Variants in SH3BP4 observed in about 807,000 individuals in gnomAD.
SH3BP4 encodes SH3 domain-binding protein 4.
Under a neutral mutation model 65.5 loss-of-function variants are expected in SH3BP4, and 33 were observed. That is an observed-to-expected ratio of 0.50 (90% CI 0.38 to 0.67). The LOEUF (loss-of-function observed/expected upper bound fraction) is 0.67. Among genes scored for constraint, SH3BP4 ranks in the 30% least tolerant of loss-of-function variants. SH3BP4 has a pLI of 0.00. For missense variants in SH3BP4, 1,134 were observed against 1,261.4 expected (o/e 0.90, Z 1.53); for synonymous variants, 552 against 545.5 (o/e 1.01, Z -0.17).
intron 1 of SH3BP4, among the ~76,000 whole-genome samples, chr2:234,982,233 C>T (rs1236495668): frequency 6.6e-6 from 1 of 152,200 alleles, no homozygotes; most frequent in Non-Finnish European, 1.5e-5. Flanking sequence ...GGGCCTCTCC[C>T]AGCTGAGCGG....
intron 1 of SH3BP4, among the ~76,000 whole-genome samples, chr2:234,954,613 C>T (rs181540932): frequency 2.0e-5 from 3 of 152,260 alleles, no homozygotes; most frequent in East Asian, 1.9e-4. Context: ...TTTGCTAATC[C>T]GGCAGCCTGG....
Position 234,967,325 on chromosome 2 carries a change from A to T in SH3BP4, c.-207+15155A>T, listed in dbSNP as rs1458182021. 6.6e-6 allele frequency among the ~76,000 whole-genome samples: 1 copy of T among 152,080 alleles called. No individual in the cohort carries two copies. Among genetic ancestry groups the T allele is most frequent in the Non-Finnish European group, 1.5e-5 (1 of 68,004 alleles). On this transcript the variant is annotated intron_variant, in intron 1 of 5. Transcript: ENST00000392011. This position sits in a 1 kb window ranked among gnomAD's most constrained non-coding sequence, Gnocchi z 4.6. ...GGTAGGGAACCTGAGGTCGCAGATG[A>T]CGTGTGAGGGTGGGCGGGAGGTTGC...
rs561795793 is a variant in SH3BP4 at position 235,017,590 on chromosome 2, G to A, written c.-132-17281G>A. Among the ~76,000 whole-genome samples, 95 of 152,108 alleles carry A rather than the reference G, an allele frequency of 6.2e-4. No individual in the cohort carries two copies. In the South Asian group the frequency reaches 0.019, roughly 30 times the overall value. On this transcript the variant is annotated intron_variant, in intron 2 of 5. Coordinates refer to ENST00000392011, the MANE Select transcript of SH3BP4 (RefSeq NM_014521.3). ...AGCTTTTGTGTCTGGCTTCCCATCT[G>A]TCTTCTCAGGATGAGTGACTGGGCA...
chr2:234,969,341 A>G (rs1296887329), intron 1 of SH3BP4, among the ~76,000 whole-genome samples: 1 of 152,072 alleles, frequency 6.6e-6, no homozygotes, highest in South Asian at 2.1e-4. Flanking sequence ...CTCATGGTCA[A>G]GTCCCCTCCC....
rs1046087182 is a variant in SH3BP4, at chr2:235,017,745, G to T, written c.-132-17126G>T. ...GCCCCCTCCCCTGCTTTTTCATATG[G>T]GTGTAGTGTTATCAGCATTAAAATC... On this transcript the variant is annotated intron_variant, in intron 2 of 5. Coordinates refer to ENST00000392011, the MANE Select transcript of SH3BP4 (RefSeq NM_014521.3). 5.8e-4 allele frequency among the ~76,000 whole-genome samples: 88 copies of T among 152,228 alleles called. 1 individual carries two copies. Among genetic ancestry groups the T allele is most frequent in the Non-Finnish European group, 1.1e-3 (75 of 68,016 alleles).
chr2:235,018,082 A>T (rs1355008339), intron 2 of SH3BP4, among the ~76,000 whole-genome samples: 1 of 152,150 alleles, frequency 6.6e-6, no homozygotes, highest in African/African-American at 2.4e-5. Flanking sequence ...AGGGTCTTGG[A>T]TTACCTGTGT....
intron 1 of SH3BP4, among the ~76,000 whole-genome samples, chr2:234,989,854 C>T (rs986124531): frequency 6.6e-6 from 1 of 152,170 alleles, no homozygotes; most frequent in Non-Finnish European, 1.5e-5. Flanking sequence ...TGTAGTTTGC[C>T]TCTGGGTTGG....
In SH3BP4 at chr2:235,038,395, ATATATATAT is replaced by A. The variant is rs1559254838; in HGVS notation, c.119-2492_119-2484del. Among the ~76,000 whole-genome samples, 57 of 22,752 alleles carry A rather than the reference ATATATATAT, an allele frequency of 2.5e-3. 5 individuals carry two copies. The highest frequency in any genetic ancestry group is 8.7e-3 in the African/African-American group (55 of 6,316). 14.9% of individuals were successfully genotyped at this position (22,752 alleles called of 152,430 possible). On this transcript the variant is annotated intron_variant, in intron 3 of 5. Transcript: ENST00000392011. ...TATATACATATATATATATATATAT[ATATATATAT>A]ATATATATATATGAGGTATGTAGAG...
rs530875203 is a variant in SH3BP4, at chr2:234,962,553, A to C, written c.-207+10383A>C. Among the ~76,000 whole-genome samples the C allele has an allele frequency of 4.6e-5, 7 of 152,322 alleles. No homozygotes were observed. In the East Asian group the frequency reaches 1.2e-3, roughly 25 times the overall value. ...TTTTAGAAACACTAGAAAATGTAAAAAGAAAAAAAATCACATCAGTGGAAT... is the reference window on the plus strand; with the variant it reads ...TTTTAGAAACACTAGAAAATGTAAACAGAAAAAAAATCACATCAGTGGAAT... On this transcript the variant is annotated intron_variant, in intron 1 of 5. Transcript: ENST00000392011.
At position 235,030,352 on chromosome 2, in the gene SH3BP4, G is replaced by A. The variant is rs1285014850; in HGVS notation, c.-132-4519G>A. On this transcript the variant is annotated intron_variant, in intron 2 of 5. Coordinates refer to ENST00000392011, the MANE Select transcript of SH3BP4 (RefSeq NM_014521.3). This position sits in a 1 kb window ranked among gnomAD's most constrained non-coding sequence, Gnocchi z 4.1. ...CTCACATCTTGGCTGCGTTACCCTGGGCAAGTTGCTTTAGTGATCTCTCCA... is the reference window on the plus strand; with the variant it reads ...CTCACATCTTGGCTGCGTTACCCTGAGCAAGTTGCTTTAGTGATCTCTCCA... Among the ~76,000 whole-genome samples the A allele has an allele frequency of 2.0e-5, 3 of 152,100 alleles. No individual in the cohort carries two copies. Among genetic ancestry groups the A allele is most frequent in the Non-Finnish European group, 4.4e-5 (3 of 68,004 alleles).
Position 234,967,028 on chromosome 2 carries a change from C to T in SH3BP4, c.-207+14858C>T, listed in dbSNP as rs1692853673. Among the ~76,000 whole-genome samples the T allele has an allele frequency of 6.6e-6, 1 of 152,188 alleles. No individual in the cohort carries two copies. Among genetic ancestry groups the T allele is most frequent in the South Asian group, 2.1e-4 (1 of 4,826 alleles). On this transcript the variant is annotated intron_variant, in intron 1 of 5. Transcript: ENST00000392011. The surrounding 1 kb of genome is among the most constrained non-coding windows in gnomAD (Gnocchi z 4.6). ...TAATAATAGTAATAGAATAGGGCTG[C>T]ATGCCATCCTGTGTTTTCAGCGCTT...
chr2:235,006,407 G>A (rs996202751), intron 2 of SH3BP4, among the ~76,000 whole-genome samples: 1 of 152,094 alleles, frequency 6.6e-6, no homozygotes, highest in Non-Finnish European at 1.5e-5. Context: ...TTTAGGAAAC[G>A]AAGCATAGTG....
intron 1 of SH3BP4, among the ~76,000 whole-genome samples, chr2:234,970,071 ACACT>A (rs1329911550): frequency 6.3e-4 from 88 of 138,726 alleles, no homozygotes; most frequent in African/African-American, 2.2e-3. Flanking sequence ...ACACACACTC[ACACT>A]GTCACTCACA....
At chr2:235,047,698 A>T (rs1263275857) in intron 4 of SH3BP4, among the ~76,000 whole-genome samples, 1 of 152,240 alleles carries the variant, frequency 6.6e-6, no homozygotes, top group African/African-American at 2.4e-5. Context: ...CCTCAGGCCC[A>T]GGGAGAACTT....
rs1695633382 is a variant in SH3BP4, at chr2:235,041,323, ATCCCAAAAG to A, written c.556_564del (p.Pro186_Ser188del). 6.2e-7 allele frequency: 1 copy of A among 1,614,180 alleles called. No homozygotes were observed. Among genetic ancestry groups the A allele is most frequent in the African/African-American group, 1.3e-5 (1 of 75,048 alleles). ...GTCATGCCCAGCCTGGATGAGCTGA[ATCCCAAAAG>A]TACTGTGGATTTGCTCCTTTTTGAC... On this transcript the variant is annotated inframe_deletion, in exon 4 of 6. Coordinates refer to ENST00000392011, the MANE Select transcript of SH3BP4 (RefSeq NM_014521.3). This position sits in a 1 kb window ranked among gnomAD's most constrained non-coding sequence, Gnocchi z 6.0.
At chr2:234,969,961 ACACACACACTCT>A (rs1188991735) in intron 1 of SH3BP4, among the ~76,000 whole-genome samples, 4 of 150,152 alleles carry the variant, frequency 2.7e-5, no homozygotes, top group Non-Finnish European at 5.9e-5. Flanking sequence ...TGTCTCTCAC[ACACACACACTCT>A]CACACACACT....
Position 234,967,924 on chromosome 2 carries a change from C to G in SH3BP4, c.-207+15754C>G, listed in dbSNP as rs114354653. ...CTCTGATTGGCCATTGTGTGTTCAT[C>G]TAAGAGTTAGTGCAGGACCGGAAGC... is the stretch of plus-strand genomic sequence containing the variant. On this transcript the variant is annotated intron_variant, in intron 1 of 5. Transcript: ENST00000392011. This position sits in a 1 kb window ranked among gnomAD's most constrained non-coding sequence, Gnocchi z 4.6. Among the ~76,000 whole-genome samples, 1,170 of 152,290 alleles carry G rather than the reference C, an allele frequency of 7.7e-3. 7 individuals carry two copies. The highest frequency in any genetic ancestry group is 0.018 in the African/African-American group (759 of 41,566).
chr2:234,982,611 C>T (rs1693421616), intron 1 of SH3BP4, among the ~76,000 whole-genome samples: 1 of 152,054 alleles, frequency 6.6e-6, no homozygotes, highest in Non-Finnish European at 1.5e-5. Flanking sequence ...GGAACACAGG[C>T]TGCGGGGAAG....
In SH3BP4 at chr2:235,045,194, C is replaced by T. The variant is rs1366233762; in HGVS notation, c.2478+1947C>T. 2.0e-5 allele frequency among the ~76,000 whole-genome samples: 3 copies of T among 152,118 alleles called. No individual in the cohort carries two copies. The highest frequency in any genetic ancestry group is 1.9e-4 in the East Asian group (1 of 5,160). ...CATCCCGTGAGAGCCTCTGTGCGGG[C>T]GGCCCCGAGACCACAGCCGTGGCTG... On this transcript the variant is annotated intron_variant, in intron 4 of 5. Transcript: ENST00000392011. This position sits in a 1 kb window ranked among gnomAD's most constrained non-coding sequence, Gnocchi z 4.3.
Sources: allele counts gnomAD v4.1 joint callset (sites outside exome capture counted in the v4.1 genomes callset), GRCh38; gene constraint gnomAD v4.1.1; non-coding constraint Gnocchi (gnomAD v3.1); transcripts MANE v1.5; gene names NCBI Gene and HGNC (gene_info 2026-07-23, HGNC 2026-07-21).